The following CSMD1 variants were observed in gnomAD, a reference collection of about 807,000 sequenced individuals.
The protein encoded by CSMD1 is CUB and sushi domain-containing protein 1.
CSMD1 carries 213 observed loss-of-function variants against 417.5 expected under a neutral mutation model. That is an observed-to-expected ratio of 0.51 (90% CI 0.46 to 0.57). CSMD1 has a LOEUF of 0.57. CSMD1 is among the 20% of genes least tolerant of loss of function. The pLI is 0.00. For synonymous variants in CSMD1, 2,862 were observed against 1,736.8 expected (o/e 1.65, Z -16.11); for missense variants, 6,923 against 4,529.7 (o/e 1.53, Z -15.17).
chr8:3,595,395 A>G (rs371894264), intron 8 of CSMD1, among the ~76,000 whole-genome samples: 91 of 152,238 alleles, frequency 6.0e-4, no homozygotes, highest in African/African-American at 2.0e-3. Flanking sequence ...TTTCTGGGTC[A>G]TTTTTTCTTT....
intron 49 of CSMD1, among the ~76,000 whole-genome samples, chr8:3,072,787 G>A (rs189262443): frequency 6.6e-6 from 1 of 152,156 alleles, no homozygotes; most frequent in Non-Finnish European, 1.5e-5. Context: ...GGTTAGCACA[G>A]CTTGCCGAAT....
chr8:3,199,317 A>C (rs986119942), intron 33 of CSMD1, among the ~76,000 whole-genome samples: 1 of 152,178 alleles, frequency 6.6e-6, no homozygotes, highest in Non-Finnish European at 1.5e-5. Flanking sequence ...TTATAATAAA[A>C]TGTGAAATTG....
chr8:4,361,561 G>C (rs769224713), intron 3 of CSMD1, among the ~76,000 whole-genome samples: 2 of 152,182 alleles, frequency 1.3e-5, no homozygotes, highest in Admixed American at 6.5e-5. Flanking sequence ...AAGTCGTAGA[G>C]TTCAAGTTTG....
At chr8:3,869,299 T>C (rs1352590258) in intron 5 of CSMD1, among the ~76,000 whole-genome samples, 1 of 152,216 alleles carries the variant, frequency 6.6e-6, no homozygotes, top group East Asian at 1.9e-4. Flanking sequence ...TCTCCTTCTC[T>C]GCTTCATTTC....
At chr8:4,952,278 A>G (rs2117289085) in intron 1 of CSMD1, among the ~76,000 whole-genome samples, 1 of 152,124 alleles carries the variant, frequency 6.6e-6, no homozygotes, top group East Asian at 1.9e-4. Flanking sequence ...AGATAATAAA[A>G]CGCAACAAAT....
chr8:4,249,514 T>C (rs1420590177), intron 3 of CSMD1, among the ~76,000 whole-genome samples: 1 of 152,152 alleles, frequency 6.6e-6, no homozygotes, highest in Non-Finnish European at 1.5e-5. Context: ...TGTAGAGAGC[T>C]CCTCTACTGA....
chr8:3,962,492 C>A (rs930910583), intron 5 of CSMD1, among the ~76,000 whole-genome samples: 1 of 152,160 alleles, frequency 6.6e-6, no homozygotes, highest in Non-Finnish European at 1.5e-5. Flanking sequence ...TTTATGACAG[C>A]CAGCATGCAG....
Position 3,297,439 on chromosome 8 carries a change from G to A in CSMD1, c.3950+10256C>T, listed in dbSNP as rs560488145. On this transcript the variant is annotated intron_variant, in intron 25 of 69. Coordinates refer to ENST00000635120, the MANE Select transcript of CSMD1 (RefSeq NM_033225.6). ...CAAGATGTATTATAAAGTAAATCAGGAATTAAGTTAGGTTTTGTACTAGAT... is the reference window on the plus strand; with the variant it reads ...CAAGATGTATTATAAAGTAAATCAGAAATTAAGTTAGGTTTTGTACTAGAT... 7.2e-5 allele frequency among the ~76,000 whole-genome samples: 11 copies of A among 152,192 alleles called. No individual in the cohort carries two copies. The East Asian group carries it at 1.7e-3, about 24-fold the overall frequency.
chr8:4,652,122 G>C (rs1030054302), intron 1 of CSMD1, among the ~76,000 whole-genome samples: 4 of 152,128 alleles, frequency 2.6e-5, no homozygotes, highest in Admixed American at 1.3e-4. Flanking sequence ...TAATAAAGGA[G>C]ATTAGGAGAG....
rs554928675 is a variant in CSMD1, at chr8:4,670,368, T to G, written c.86-32810A>C. Among the ~76,000 whole-genome samples the G allele has an allele frequency of 1.6e-4, 25 of 152,262 alleles. No homozygotes were observed. The South Asian group carries it at 5.0e-3, about 30-fold the overall frequency. The stretch of plus-strand genomic sequence containing the variant: ...ACCGTGTCAAGATTGTGGCTAATAA[T>G]GAAATACATGTTCTCCTAATAAGTG... On this transcript the variant is annotated intron_variant, in intron 1 of 69. Transcript: ENST00000635120.
chr8:4,051,179 CCTGCTGAGAATCT>C (rs6150443), intron 3 of CSMD1, among the ~76,000 whole-genome samples: 104,791 of 151,490 alleles, frequency 0.69, 36,633 homozygotes, highest in South Asian at 0.75. Context: ...CAGCACAATC[CCTGCTGAGAATCT>C]CTGCTGAGAG....
intron 4 of CSMD1, among the ~76,000 whole-genome samples, chr8:4,020,593 T>C (rs1041777564): frequency 1.3e-5 from 2 of 152,178 alleles, no homozygotes; most frequent in Non-Finnish European, 2.9e-5. Flanking sequence ...TCCAATTCTC[T>C]TATGGTAAGA....
intron 3 of CSMD1, among the ~76,000 whole-genome samples, chr8:4,046,552 A>G (rs1001664249): frequency 1.3e-5 from 2 of 152,218 alleles, no homozygotes; most frequent in African/African-American, 4.8e-5. Context: ...TGTACATAGT[A>G]TAACTGTGGG....
At chr8:4,242,583 A>G (rs1802465832) in intron 3 of CSMD1, among the ~76,000 whole-genome samples, 1 of 152,160 alleles carries the variant, frequency 6.6e-6, no homozygotes, top group Non-Finnish European at 1.5e-5. Context: ...AGAAATGTTA[A>G]TGAATGTATC....
intron 3 of CSMD1, among the ~76,000 whole-genome samples, chr8:4,108,524 T>A (rs986815921): frequency 6.6e-6 from 1 of 152,204 alleles, no homozygotes; most frequent in Non-Finnish European, 1.5e-5. Context: ...TTTGATAATT[T>A]ATTTGTAACC....
chr8:4,735,597 T>C (rs140893442), intron 1 of CSMD1, among the ~76,000 whole-genome samples: 10 of 152,284 alleles, frequency 6.6e-5, no homozygotes, highest in Non-Finnish European at 1.5e-4. Flanking sequence ...GAAAGACAAT[T>C]ACTAAATATA....
At chr8:3,485,908 T>A (rs1448680439) in intron 11 of CSMD1, among the ~76,000 whole-genome samples, 1 of 152,206 alleles carries the variant, frequency 6.6e-6, no homozygotes, top group Admixed American at 6.5e-5. Context: ...ACTGTAGATT[T>A]GCAAAACATT....
intron 7 of CSMD1, among the ~76,000 whole-genome samples, chr8:3,630,167 G>T (rs1163145423): frequency 1.3e-5 from 2 of 152,252 alleles, no homozygotes; most frequent in Non-Finnish European, 1.5e-5. Context: ...TTGACTGAAT[G>T]CCTGGTACAG....
At chr8:4,127,129 C>T (rs66503142) in intron 3 of CSMD1, among the ~76,000 whole-genome samples, 2 of 151,692 alleles carry the variant, frequency 1.3e-5, no homozygotes, top group Admixed American at 1.3e-4. Context: ...AGAAATGCTT[C>T]TCTGATCCAT....
Sources: gnomAD v4.1 joint callset for allele counts (sites outside exome capture counted in the v4.1 genomes callset) on GRCh38, gnomAD v4.1.1 for gene constraint, MANE v1.5 for transcripts, NCBI Gene and HGNC (gene_info 2026-07-23, HGNC 2026-07-21) for gene names.